KLRG1: variants seen among roughly 807,000 people sequenced by gnomAD.
KLRG1 encodes killer cell lectin-like receptor subfamily G member 1.
KLRG1 carries 16 observed loss-of-function variants against 21.8 expected under a neutral mutation model. The observed-to-expected ratio is 0.73, with a 90% CI of 0.50 to 1.11. The LOEUF is 1.11. Among genes scored for constraint, KLRG1 ranks in the 50% most tolerant of loss-of-function variants. KLRG1 has a pLI of 0.00. For missense variants in KLRG1, 173 were observed against 218.3 expected (o/e 0.79, Z 1.31); for synonymous variants, 69 against 75.9 (o/e 0.91, Z 0.47).
At chr12:9,202,360 C>T in the KLRG1 span, 1 of 1,614,156 alleles carries the variant, frequency 6.2e-7, no homozygotes, top group East Asian at 2.2e-5. Context: ...ACGGAGACAA[C>T]ACGGAATCTT....
At chr12:9,128,245 C>T in the KLRG1 span, 1 of 173,670 alleles carries the variant, frequency 5.8e-6, no homozygotes, top group Non-Finnish European at 1.3e-5. Flanking sequence ...ACACGTGAAG[C>T]CAGTATGCGG....
At chr12:9,044,302 G>A in the KLRG1 span, among the ~76,000 whole-genome samples, 1 of 152,106 alleles carries the variant, frequency 6.6e-6, no homozygotes, top group Non-Finnish European at 1.5e-5. Flanking sequence ...ATGAAGAGAC[G>A]CTTTACTCCT....
At position 9,010,125 on chromosome 12, in the gene KLRG1, G is replaced by A. The variant is rs1947600534; in HGVS notation, c.*588G>A. The A allele has an allele frequency of 2.3e-6, 2 of 888,436 alleles. No individual in the cohort carries two copies. The highest frequency in any genetic ancestry group is 2.1e-5 in the Admixed American group (1 of 48,040). The allele number at this position is 888,436 out of a possible 1,614,324, so 55.0% of individuals were successfully genotyped here. Reference sequence around the variant, plus strand: ...CGCTTGAGCCCAGGAGTTTGAGGCTGCAGTGAGCTATGATTGTGCCACTGT... The same window carrying A: ...CGCTTGAGCCCAGGAGTTTGAGGCTACAGTGAGCTATGATTGTGCCACTGT... On this transcript the variant is annotated 3_prime_UTR_variant, in exon 5 of 5. Transcript: ENST00000356986.
At chr12:9,160,775 C>A in the KLRG1 span, among the ~76,000 whole-genome samples, 1 of 151,934 alleles carries the variant, frequency 6.6e-6, no homozygotes, top group African/African-American at 2.4e-5. Context: ...ATTAGCCGGG[C>A]GTGGTGGCGG....
chr12:9,200,993 G>T, the KLRG1 span: 1 of 1,614,130 alleles, frequency 6.2e-7, no homozygotes, highest in Non-Finnish European at 8.5e-7. Flanking sequence ...GAGGGGAAAG[G>T]ACAACTGATT....
downstream of KLRG1, among the ~76,000 whole-genome samples, chr12:9,015,039 TA>T (rs1255627604): frequency 6.6e-6 from 1 of 151,964 alleles, no homozygotes; most frequent in Non-Finnish European, 1.5e-5. Context: ...AGCAAGAAAT[TA>T]AAACATACCG....
chr12:8,989,331 A>G (rs1443703989), upstream of KLRG1, among the ~76,000 whole-genome samples: 1 of 152,248 alleles, frequency 6.6e-6, no homozygotes, highest in Non-Finnish European at 1.5e-5. Context: ...TTTAGTTTCC[A>G]TAACTGAAAT....
chr12:9,106,200 T>C, the KLRG1 span: 1 of 1,266,036 alleles, frequency 7.9e-7, no homozygotes, highest in African/African-American at 1.5e-5. Context: ...TAGGTAACAG[T>C]ACATGGGTTG....
At chr12:9,017,242 C>A in the KLRG1 span, among the ~76,000 whole-genome samples, 1 of 92,140 alleles carries the variant, frequency 1.1e-5, no homozygotes, top group Non-Finnish European at 1.9e-5. Context: ...CCAGCCAGGG[C>A]AACAAGAGTG....
At chr12:9,064,623 C>A in the KLRG1 span, 4 of 154,106 alleles carry the variant, frequency 2.6e-5, no homozygotes, top group Admixed American at 2.0e-4. This position sits in a 1 kb window ranked among gnomAD's most constrained non-coding sequence, Gnocchi z 4.0. Context: ...CGGAGCCTGC[C>A]GCCCTGGAAG....
chr12:9,136,171 G>C, the KLRG1 span, among the ~76,000 whole-genome samples: 1 of 152,160 alleles, frequency 6.6e-6, no homozygotes, highest in East Asian at 1.9e-4. Flanking sequence ...CATGGCAACG[G>C]GTTTTTAAAA....
chr12:9,006,545 A>C (rs1296178045), intron 3 of KLRG1, among the ~76,000 whole-genome samples: 1 of 152,214 alleles, frequency 6.6e-6, no homozygotes, highest in Non-Finnish European at 1.5e-5. Flanking sequence ...TAAGGATTTT[A>C]GATTTTATTC....
At chr12:8,957,507 TTTTGTTTG>T (rs562204116) in intron 1 of KLRG1, among the ~76,000 whole-genome samples, 13 of 152,268 alleles carry the variant, frequency 8.5e-5, no homozygotes, top group Middle Eastern at 3.4e-3. Flanking sequence ...TTGTTTTGTT[TTTTGTTTG>T]TTTGTTTGTT....
chr12:9,196,704 C>G, the KLRG1 span: 2 of 1,535,422 alleles, frequency 1.3e-6, no homozygotes, highest in Non-Finnish European at 1.8e-6. Flanking sequence ...AATACCAAAA[C>G]CAATAAATGT....
chr12:9,116,468 T>C, the KLRG1 span, among the ~76,000 whole-genome samples: 1 of 152,200 alleles, frequency 6.6e-6, no homozygotes, highest in African/African-American at 2.4e-5. Flanking sequence ...AGAATGATCA[T>C]AGAAAAGAGT....
intron 3 of KLRG1, among the ~76,000 whole-genome samples, chr12:9,007,762 C>T (rs1947515065): frequency 6.6e-6 from 1 of 152,094 alleles, no homozygotes; most frequent in Non-Finnish European, 1.5e-5. Context: ...AATTGTATTG[C>T]TTTCTTAGTA....
chr12:9,019,990 A>C, the KLRG1 span, among the ~76,000 whole-genome samples: 1 of 152,028 alleles, frequency 6.6e-6, no homozygotes, highest in Non-Finnish European at 1.5e-5. Context: ...ACTCTTTCCA[A>C]GCTACTGTTG....
intron 3 of KLRG1, among the ~76,000 whole-genome samples, chr12:8,999,751 T>C (rs1947250496): frequency 6.6e-6 from 1 of 152,182 alleles, no homozygotes; most frequent in Non-Finnish European, 1.5e-5. Context: ...TAAAACTTTC[T>C]AGACTGTCCG....
intron 3 of KLRG1, chr12:8,996,642 A>C (rs933649431): frequency 6.6e-6 from 1 of 152,138 alleles, no homozygotes; most frequent in Non-Finnish European, 1.5e-5. Flanking sequence ...GGAATTCCAC[A>C]TAGAATCTAA....
Sources: gnomAD v4.1 joint callset for allele counts (sites outside exome capture counted in the v4.1 genomes callset) on GRCh38, gnomAD v4.1.1 for gene constraint, Gnocchi (gnomAD v3.1) non-coding constraint, MANE v1.5 for transcripts, NCBI Gene and HGNC (gene_info 2026-07-23, HGNC 2026-07-21) for gene names.